The following DNAJC13 variants were observed in gnomAD, a reference collection of about 807,000 sequenced individuals.
DNAJC13 encodes the protein DnaJ heat shock protein family (Hsp40) member C13, also known as dnaJ homolog subfamily C member 13.
In DNAJC13, 75 loss-of-function variants were observed where a neutral mutation model predicts 290.5. That is an observed-to-expected ratio of 0.26 (90% CI 0.21 to 0.31). The LOEUF (loss-of-function observed/expected upper bound fraction) is 0.31, where lower values mean the gene tolerates loss of function less well. Among genes scored for constraint, DNAJC13 ranks in the 10% least tolerant of loss-of-function variants. The pLI is 1.00. For missense variants in DNAJC13, 2,260 were observed against 2,674.5 expected (o/e 0.85, Z 3.42); for synonymous variants, 862 against 892.0 (o/e 0.97, Z 0.60).
chr3:132,427,870 T>C (rs1259841310), intron 1 of DNAJC13, among the ~76,000 whole-genome samples: 1 of 152,246 alleles, frequency 6.6e-6, no homozygotes, highest in East Asian at 1.9e-4. Context: ...ATAGACGTAC[T>C]ATAATTCAGA....
At position 132,483,497 on chromosome 3, in the gene DNAJC13, A is replaced by T. The variant is rs768865564; in HGVS notation, c.3102A>T (p.Gly1034=). The stretch of plus-strand genomic sequence containing the variant: ...TTAAGTGGTGTCTCTTAGCCAGTGG[A>T]CAGGCTGTCCTGAATGAAACTGACC... The part of the protein sequence containing the change: ...PQLKWCLLAS[G]QAVLNETDLA... The change falls in exon 28 of 56, where the codon GGA becomes GGT. Residue 1034 remains glycine (G), a synonymous_variant. Coordinates refer to ENST00000260818, the MANE Select transcript of DNAJC13 (RefSeq NM_015268.4). 6.2e-7 allele frequency: 1 copy of T among 1,614,052 alleles called. No homozygotes were observed. Among genetic ancestry groups the T allele is most frequent in the African/African-American group, 1.3e-5 (1 of 74,930 alleles).
At chr3:132,499,844 C>G in intron 38 of DNAJC13, 36 bp downstream of exon 38, 2 of 1,574,056 alleles carry the variant, frequency 1.3e-6, no homozygotes, top group South Asian at 1.1e-5. Flanking sequence ...GAAAATTGCA[C>G]TAGTTCAATG....
At chr3:132,443,322 T>G (rs1933132793) in intron 2 of DNAJC13, among the ~76,000 whole-genome samples, 1 of 152,050 alleles carries the variant, frequency 6.6e-6, no homozygotes, top group African/African-American at 2.4e-5. Flanking sequence ...CTGGCTAATT[T>G]TTGTATTTTT....
chr3:132,431,684 A>G (rs184781055), intron 1 of DNAJC13, among the ~76,000 whole-genome samples: 1 of 152,350 alleles, frequency 6.6e-6, no homozygotes, highest in East Asian at 1.9e-4. Flanking sequence ...AAAAACTCAT[A>G]TATGCTTGTT....
At chr3:132,453,228 T>A in intron 6 of DNAJC13, 70 bp from the exon 7 acceptor site, 1 of 1,410,838 alleles carries the variant, frequency 7.1e-7, no homozygotes. Context: ...ACCTTTCCTA[T>A]GAGTTGATTA....
intron 38 of DNAJC13, among the ~76,000 whole-genome samples, chr3:132,500,243 T>C (rs1935368005): frequency 6.6e-6 from 1 of 152,244 alleles, no homozygotes; most frequent in African/African-American, 2.4e-5. Context: ...AAGAGCTTTG[T>C]AGAGCGTGTC....
Position 132,494,194 on chromosome 3 carries a change from G to T in DNAJC13, c.3876G>T (p.Lys1292Asn). 6.2e-7 allele frequency: 1 copy of T among 1,613,030 alleles called. No homozygotes were observed. The highest frequency in any genetic ancestry group is 8.5e-7 in the Non-Finnish European group (1 of 1,179,538). ...TLDAWKKEVEKKPPMMSIDDA... is the reference protein window; with the variant it reads ...TLDAWKKEVENKPPMMSIDDA... The stretch of plus-strand genomic sequence containing the variant: ...ATGCCTGGAAGAAAGAAGTAGAAAA[G>T]AAGCCACCTATGATGTCAATAGATG... Residue 1292 changes from lysine (K) to asparagine (N), a missense_variant, in exon 34 of 56, where the codon AAG becomes AAT. Lys to Asn is a moderately conservative substitution (Grantham distance 94, BLOSUM62 0). Coordinates refer to ENST00000260818, the MANE Select transcript of DNAJC13 (RefSeq NM_015268.4).
chr3:132,523,667 C>T lies in DNAJC13; in HGVS notation c.6014C>T (p.Ala2005Val). 1 of 1,613,938 alleles carries T rather than the reference C, an allele frequency of 6.2e-7. No homozygotes were observed. Among genetic ancestry groups the T allele is most frequent in the Non-Finnish European group, 8.5e-7 (1 of 1,179,904 alleles). Residue 2005 changes from alanine (A) to valine (V), a missense_variant, in exon 51 of 56, where the codon GCC (alanine) becomes GTC (valine). Physicochemically the swap from Ala to Val is moderately conservative, Grantham distance 64 (BLOSUM62 0). Around this residue, in one of 3 missense-constraint regions of DNAJC13, gnomAD observed 1,494 missense variants for 1,693.7 expected, o/e 0.88. Transcript: ENST00000260818. The stretch of plus-strand genomic sequence containing the variant: ...AGAAAGCCTAGAGAATTTCTTATTG[C>T]CCTGTTAGAAAAATTAACTGAGCTC... The part of the protein sequence containing the change: ...VLRKPREFLI[A>V]LLEKLTELLE...
At chr3:132,465,195 T>G (rs1933934510) in intron 17 of DNAJC13, among the ~76,000 whole-genome samples, 1 of 152,162 alleles carries the variant, frequency 6.6e-6, no homozygotes, top group Non-Finnish European at 1.5e-5. Flanking sequence ...AGTTAAATTT[T>G]GTTCTTCAGT....
chr3:132,517,837 C>T (rs1384910820), intron 48 of DNAJC13, among the ~76,000 whole-genome samples: 1 of 152,086 alleles, frequency 6.6e-6, no homozygotes, highest in African/African-American at 2.4e-5. Context: ...TTTTCTTGCT[C>T]GATCTCTCAG....
chr3:132,488,557 A>G, intron 30 of DNAJC13, 105 bp downstream of exon 30: 1 of 1,165,418 alleles, frequency 8.6e-7, no homozygotes. Flanking sequence ...TTAAAATTAT[A>G]ATTGTAAAGG....
In DNAJC13 at chr3:132,503,329, G is replaced by C. The variant is rs1935481374; in HGVS notation, c.4832G>C (p.Gly1611Ala). The change falls in exon 41 of 56, where the codon GGC becomes GCC. Residue 1611 changes from glycine (G) to alanine (A), a missense_variant. Physicochemically the swap from Gly to Ala is moderately conservative, Grantham distance 60. Around this residue, in one of 3 missense-constraint regions of DNAJC13, gnomAD observed 1,494 missense variants for 1,693.7 expected, o/e 0.88. Coordinates refer to ENST00000260818, the MANE Select transcript of DNAJC13 (RefSeq NM_015268.4). ...ENPTIRKSLAGMLTPYVARKL... is the reference protein window; with the variant it reads ...ENPTIRKSLAAMLTPYVARKL... ...CCAACCATAAGGAAAAGCTTAGCTG[G>C]CATGCTGACACCCTATGTTGCTAGA... The C allele has an allele frequency of 1.2e-6, 2 of 1,613,992 alleles. No homozygotes were observed. The highest frequency in any genetic ancestry group is 2.7e-5 in the African/African-American group (2 of 74,920).
rs769813740 is a variant in DNAJC13, at chr3:132,456,598, A to G, written c.1179+18A>G. 1.2e-6 allele frequency: 2 copies of G among 1,613,518 alleles called. No individual in the cohort carries two copies. The highest frequency in any genetic ancestry group is 1.7e-6 in the Non-Finnish European group (2 of 1,179,684). ...CACAAGATGTAAGCTAAGTTTTATCATAATTGTTCATTGTTACTAACTTTT... is the reference window on the plus strand; with the variant it reads ...CACAAGATGTAAGCTAAGTTTTATCGTAATTGTTCATTGTTACTAACTTTT... On this transcript the variant is annotated intron_variant, in intron 11 of 55. Coordinates refer to ENST00000260818, the MANE Select transcript of DNAJC13 (RefSeq NM_015268.4).
At chr3:132,473,540 A>T (rs1193624262) in intron 21 of DNAJC13, among the ~76,000 whole-genome samples, 1 of 152,190 alleles carries the variant, frequency 6.6e-6, no homozygotes, top group African/African-American at 2.4e-5. Context: ...ATGGAGTCTT[A>T]AAAGAGGCAG....
At chr3:132,436,716 T>C (rs1939394723) in intron 2 of DNAJC13, among the ~76,000 whole-genome samples, 2 of 152,196 alleles carry the variant, frequency 1.3e-5, no homozygotes, top group Non-Finnish European at 2.9e-5. Flanking sequence ...GCCATCCTAG[T>C]GTAGGTACGA....
At chr3:132,487,865 C>T (rs1379667208) in intron 29 of DNAJC13, among the ~76,000 whole-genome samples, 2 of 152,054 alleles carry the variant, frequency 1.3e-5, no homozygotes, top group African/African-American at 4.8e-5. Flanking sequence ...CTGTTACCTG[C>T]ACTTCTGGAT....
Position 132,436,883 on chromosome 3 carries a change from CTTTT to C in DNAJC13, c.68+2276_68+2279del, listed in dbSNP as rs68049166. Among the ~76,000 whole-genome samples, 1,386 of 141,940 alleles carry C rather than the reference CTTTT, an allele frequency of 9.8e-3. 19 individuals carry two copies. The highest frequency in any genetic ancestry group is 0.033 in the African/African-American group (1,290 of 39,074). 93.1% of individuals were successfully genotyped at this position (141,940 alleles called of 152,430 possible). On this transcript the variant is annotated intron_variant, in intron 2 of 55. Transcript: ENST00000260818. ...AACTAAAAAAATTTTTTTTATTTTA[CTTTT>C]TTTTTTTTTTCTTTTTGAGACAGAG...
In DNAJC13 at chr3:132,454,102, C is replaced by A; in HGVS notation, c.877C>A (p.Leu293Ile). The A allele has an allele frequency of 1.2e-6, 2 of 1,607,014 alleles. No individual in the cohort carries two copies. Among genetic ancestry groups the A allele is most frequent in the South Asian group, 1.1e-5 (1 of 89,108 alleles). ...ALVCDSENPQ[L>I]FTIEFIKGQV... ...GGTCTGTGACTCAGAAAATCCACAA[C>A]TTTTTACCATTGAATTTATAAAAGG... The change falls in exon 9 of 56, where the codon CTT (leucine) becomes ATT (isoleucine). Residue 293 changes from leucine (L) to isoleucine (I), a missense_variant. Around this residue, in one of 3 missense-constraint regions of DNAJC13, gnomAD observed 762 missense variants for 964.1 expected, o/e 0.79. Transcript: ENST00000260818.
chr3:132,471,304 A>C (rs113185768), intron 20 of DNAJC13, among the ~76,000 whole-genome samples: 6 of 99,942 alleles, frequency 6.0e-5, no homozygotes, highest in African/African-American at 7.8e-5. Context: ...CTGACCCCCC[A>C]CCTCCCTCCC....
Sources: allele counts gnomAD v4.1 joint callset (sites outside exome capture counted in the v4.1 genomes callset), GRCh38; gene constraint gnomAD v4.1.1; regional missense constraint gnomAD v4.1.1; transcripts MANE v1.5; gene names NCBI Gene and HGNC (gene_info 2026-07-23, HGNC 2026-07-21).